CA10: variants seen among roughly 807,000 people sequenced by gnomAD.
The protein encoded by CA10 is carbonic anhydrase 10 (inactive).
Under a neutral mutation model 44.2 loss-of-function variants are expected in CA10, and 14 were observed. That is an observed-to-expected ratio of 0.32 (90% CI 0.21 to 0.50). The LOEUF (loss-of-function observed/expected upper bound fraction) is 0.50, where lower values mean the gene tolerates loss of function less well. Among genes scored for constraint, CA10 ranks in the 20% least tolerant of loss-of-function variants. The pLI is 0.99. For missense variants in CA10, 350 were observed against 409.7 expected, an observed-to-expected ratio of 0.85 and a Z score of 1.26; for synonymous variants, 159 against 141.6, an observed-to-expected ratio of 1.12 and a Z score of -0.87.
chr17:52,121,728 C>A lies in CA10; in HGVS notation c.61+35998G>T, dbSNP rs1202345635. 2.6e-5 allele frequency among the ~76,000 whole-genome samples: 4 copies of A among 152,030 alleles called. No homozygotes were observed. The East Asian group carries it at 7.7e-4, about 29-fold the overall frequency. On this transcript the variant is annotated intron_variant, in intron 1 of 8. Transcript: ENST00000451037. Reference sequence around the variant, plus strand: ...CCAGGGCAAAATATTAACTTCCAATCACTGCTAGAAGGCACTAGGTCAATC... The same window carrying A: ...CCAGGGCAAAATATTAACTTCCAATAACTGCTAGAAGGCACTAGGTCAATC...
intron 4 of CA10, among the ~76,000 whole-genome samples, chr17:51,697,661 G>T (rs1316739229): frequency 6.6e-6 from 1 of 152,190 alleles, no homozygotes; most frequent in Non-Finnish European, 1.5e-5. Context: ...GAGGGCCAGG[G>T]TCTTCGTGTT....
chr17:52,009,613 C>T (rs758608757), intron 2 of CA10, among the ~76,000 whole-genome samples: 4 of 151,948 alleles, frequency 2.6e-5, no homozygotes, highest in Admixed American at 2.6e-4. Context: ...AAGCAAAGGT[C>T]AATTATAATT....
At chr17:51,969,155 G>T (rs1264195501) in intron 2 of CA10, among the ~76,000 whole-genome samples, 1 of 151,870 alleles carries the variant, frequency 6.6e-6, no homozygotes, top group Non-Finnish European at 1.5e-5. Context: ...TGCTTTTTGA[G>T]CTTCATCTCC....
At chr17:52,079,976 A>G (rs868330203) in intron 1 of CA10, among the ~76,000 whole-genome samples, 9 of 152,192 alleles carry the variant, frequency 5.9e-5, no homozygotes, top group East Asian at 1.9e-4. Flanking sequence ...TGAACTGGTT[A>G]ATGGGTGACA....
At chr17:51,880,966 G>A (rs1357537672) in intron 3 of CA10, among the ~76,000 whole-genome samples, 1 of 118 alleles carries the variant, frequency 8.5e-3, no homozygotes, top group African/African-American at 0.045. Flanking sequence ...GCCGGGCGCG[G>A]GTGGCTCACG....
intron 3 of CA10, among the ~76,000 whole-genome samples, chr17:51,816,703 G>A (rs1907575190): frequency 6.6e-6 from 1 of 152,204 alleles, no homozygotes; most frequent in South Asian, 2.1e-4. Flanking sequence ...TATTGGAGCA[G>A]CTGAAAGATC....
intron 2 of CA10, among the ~76,000 whole-genome samples, chr17:52,054,711 G>A (rs1220159191): frequency 6.6e-6 from 1 of 151,804 alleles, no homozygotes; most frequent in Admixed American, 6.6e-5. Context: ...TCTCAGACTG[G>A]CCAACACTTA....
chr17:51,863,923 A>C (rs1979428254), intron 3 of CA10, among the ~76,000 whole-genome samples: 1 of 152,158 alleles, frequency 6.6e-6, no homozygotes, highest in South Asian at 2.1e-4. Flanking sequence ...TTGAGGCTTA[A>C]TTGTGTCCAC....
chr17:51,820,185 G>GCGC (rs796271837), intron 3 of CA10, among the ~76,000 whole-genome samples: 1 of 75,384 alleles, frequency 1.3e-5, no homozygotes, highest in African/African-American at 6.5e-5. Context: ...CCTGAGCGCC[G>GCGC]CCCCCCCCCC....
At chr17:51,663,392 G>A (rs968193486) in intron 4 of CA10, among the ~76,000 whole-genome samples, 5 of 152,122 alleles carry the variant, frequency 3.3e-5, no homozygotes, top group African/African-American at 1.2e-4. Context: ...AATGAGAGAT[G>A]AGGTCTGCAG....
At chr17:51,717,529 G>GTATATATATATATATATATA (rs3031848) in intron 4 of CA10, among the ~76,000 whole-genome samples, 2 of 50,180 alleles carry the variant, frequency 4.0e-5, no homozygotes, top group African/African-American at 1.2e-4. Flanking sequence ...AAAGAAACTG[G>GTATATATATATATATATATA]TATATATATA....
intron 2 of CA10, among the ~76,000 whole-genome samples, chr17:51,960,039 A>T (rs2144048614): frequency 6.6e-6 from 1 of 152,084 alleles, no homozygotes; most frequent in Non-Finnish European, 1.5e-5. Flanking sequence ...AAAAGAAAAA[A>T]ATTCTTTTAA....
At chr17:51,892,470 T>C (rs1310034762) in intron 3 of CA10, among the ~76,000 whole-genome samples, 1 of 152,170 alleles carries the variant, frequency 6.6e-6, no homozygotes. Context: ...TAAGTTCAAG[T>C]CCAGCCATTT....
At chr17:52,152,721 T>C (rs968213459) in intron 1 of CA10, among the ~76,000 whole-genome samples, 2 of 152,172 alleles carry the variant, frequency 1.3e-5, no homozygotes, top group Non-Finnish European at 2.9e-5. Flanking sequence ...TCTATAACTA[T>C]ATCTTAAGTA....
chr17:51,929,453 G>A (rs1414421614), intron 3 of CA10, among the ~76,000 whole-genome samples: 1 of 152,098 alleles, frequency 6.6e-6, no homozygotes, highest in Non-Finnish European at 1.5e-5. Flanking sequence ...CATCTTGCAA[G>A]CCTCTCTTCG....
intron 2 of CA10, among the ~76,000 whole-genome samples, chr17:52,047,320 A>C (rs1371669397): frequency 6.6e-6 from 1 of 152,032 alleles, no homozygotes; most frequent in East Asian, 1.9e-4. Context: ...TACTACAATG[A>C]GGCACAAGGG....
At chr17:51,764,219 C>G (rs1310217237) in intron 3 of CA10, among the ~76,000 whole-genome samples, 1 of 152,106 alleles carries the variant, frequency 6.6e-6, no homozygotes, top group Non-Finnish European at 1.5e-5. Context: ...CACAACAGGC[C>G]CTTCACAATC....
At chr17:52,153,615 C>A (rs1195747426) in intron 1 of CA10, among the ~76,000 whole-genome samples, 2 of 152,112 alleles carry the variant, frequency 1.3e-5, no homozygotes, top group Non-Finnish European at 2.9e-5. Context: ...AATTAAGAGA[C>A]TTTTCAAAAT....
intron 1 of CA10, among the ~76,000 whole-genome samples, chr17:52,122,428 T>A (rs1989032483): frequency 6.6e-6 from 1 of 152,192 alleles, no homozygotes; most frequent in Non-Finnish European, 1.5e-5. Flanking sequence ...GATATTTCAT[T>A]CATCATGGAT....
Sources: allele counts gnomAD v4.1 joint callset (sites outside exome capture counted in the v4.1 genomes callset), GRCh38; gene constraint gnomAD v4.1.1; transcripts MANE v1.5; gene names NCBI Gene and HGNC (gene_info 2026-07-23, HGNC 2026-07-21).